Variants in NELL2 observed in about 807,000 individuals in gnomAD.
NELL2 encodes neural EGFL like 2, also known as protein kinase C-binding protein NELL2.
A neutral mutation model predicts 109.6 loss-of-function variants in NELL2; 41 were observed. The ratio of observed to expected loss-of-function variants is 0.37; its 90% CI spans 0.29 to 0.49. NELL2 has a LOEUF of 0.49. Among genes scored for constraint, NELL2 ranks in the 20% least tolerant of loss-of-function variants. The probability of loss-of-function intolerance (pLI) is 0.98; values close to 1 mark genes in which losing one functional copy is unlikely to be tolerated. For missense variants in NELL2, 900 were observed against 1,008.3 expected (o/e 0.89, Z 1.45); for synonymous variants, 355 against 344.7 (o/e 1.03, Z -0.33).
chr12:44,801,345 A>G (rs949882911), intron 3 of NELL2, among the ~76,000 whole-genome samples: 1 of 152,162 alleles, frequency 6.6e-6, no homozygotes, highest in South Asian at 2.1e-4. Flanking sequence ...TACTGTTAGT[A>G]TAAATAAAAA....
chr12:44,875,039 G>A (rs1945272481), intron 2 of NELL2, 186 bp downstream of exon 2: 1 of 691,592 alleles, frequency 1.4e-6, no homozygotes, highest in Non-Finnish European at 2.3e-6. Flanking sequence ...AAGGAGAAGG[G>A]TGAGGCAGGG....
intron 9 of NELL2, among the ~76,000 whole-genome samples, chr12:44,739,033 C>A (rs1939799334): frequency 6.6e-6 from 1 of 152,154 alleles, no homozygotes; most frequent in Non-Finnish European, 1.5e-5. Flanking sequence ...CCTCCACCAC[C>A]ATTCACACAC....
At chr12:44,904,268 T>C (rs1302152635) in intron 1 of NELL2, among the ~76,000 whole-genome samples, 1 of 152,122 alleles carries the variant, frequency 6.6e-6, no homozygotes, top group Non-Finnish European at 1.5e-5. Flanking sequence ...AGATCAGACA[T>C]TGTAATAGAT....
intron 13 of NELL2, among the ~76,000 whole-genome samples, chr12:44,622,621 T>C (rs1254528342): frequency 6.6e-6 from 1 of 152,164 alleles, no homozygotes; most frequent in African/African-American, 2.4e-5. Flanking sequence ...AACCATAGCA[T>C]TCCAACATAG....
intron 1 of NELL2, among the ~76,000 whole-genome samples, chr12:44,894,018 T>C (rs1291117777): frequency 3.3e-5 from 5 of 152,140 alleles, no homozygotes; most frequent in Non-Finnish European, 7.4e-5. Flanking sequence ...TTTCAACACA[T>C]CTACTTAGAA....
At chr12:44,764,778 T>C (rs1323977897) in intron 9 of NELL2, among the ~76,000 whole-genome samples, 1 of 152,132 alleles carries the variant, frequency 6.6e-6, no homozygotes, top group Non-Finnish European at 1.5e-5. Flanking sequence ...GAAAATACTT[T>C]TAAAATGTCA....
intron 9 of NELL2, among the ~76,000 whole-genome samples, chr12:44,733,689 G>A (rs1303534228): frequency 2.0e-5 from 3 of 151,580 alleles, no homozygotes; most frequent in Non-Finnish European, 4.4e-5. Context: ...ATATTAAGAG[G>A]GCAGATTTCA....
At chr12:44,655,566 G>A (rs576611621) in intron 13 of NELL2, among the ~76,000 whole-genome samples, 44 of 152,314 alleles carry the variant, frequency 2.9e-4, no homozygotes, top group African/African-American at 9.9e-4. Flanking sequence ...GGCCTCCTCA[G>A]TAACTGTGGA....
At chr12:44,647,972 G>A (rs1947155330) in intron 13 of NELL2, among the ~76,000 whole-genome samples, 1 of 152,188 alleles carries the variant, frequency 6.6e-6, no homozygotes, top group Non-Finnish European at 1.5e-5. Context: ...TGAGGGTCAA[G>A]GTGTCCTTGC....
At chr12:44,660,024 C>T (rs1297367053) in intron 13 of NELL2, among the ~76,000 whole-genome samples, 2 of 152,084 alleles carry the variant, frequency 1.3e-5, no homozygotes, top group Admixed American at 1.3e-4. Flanking sequence ...AATCATTCAC[C>T]TAGGTTAAGC....
intron 15 of NELL2, among the ~76,000 whole-genome samples, chr12:44,555,373 G>A (rs569995540): frequency 6.6e-6 from 1 of 152,260 alleles, no homozygotes; most frequent in South Asian, 2.1e-4. Flanking sequence ...CTCTCTTTTT[G>A]AGGTCATGCT....
At chr12:44,661,683 C>G (rs540831853) in intron 13 of NELL2, among the ~76,000 whole-genome samples, 15 of 152,136 alleles carry the variant, frequency 9.9e-5, no homozygotes, top group Non-Finnish European at 1.8e-4. Flanking sequence ...TTAATGCTTA[C>G]GTGAGTGAAC....
intron 1 of NELL2, among the ~76,000 whole-genome samples, chr12:44,899,983 T>G (rs1219300718): frequency 1.3e-5 from 2 of 152,078 alleles, no homozygotes; most frequent in East Asian, 3.9e-4. Context: ...TAAAACAGAC[T>G]TTAAACCAAC....
At chr12:44,657,223 A>G (rs754664762) in intron 13 of NELL2, among the ~76,000 whole-genome samples, 1 of 152,236 alleles carries the variant, frequency 6.6e-6, no homozygotes, top group Non-Finnish European at 1.5e-5. Flanking sequence ...CTTCATAATT[A>G]GCAAATTAAA....
intron 12 of NELL2, among the ~76,000 whole-genome samples, chr12:44,685,300 A>G (rs1019828771): frequency 2.6e-5 from 4 of 151,790 alleles, no homozygotes; most frequent in African/African-American, 9.7e-5. Context: ...TTTTGAGCCT[A>G]TGTGTGTCTC....
At chr12:44,892,015 T>C (rs889319620) in intron 1 of NELL2, among the ~76,000 whole-genome samples, 3 of 152,232 alleles carry the variant, frequency 2.0e-5, no homozygotes, top group Non-Finnish European at 4.4e-5. Context: ...AGTATATTCA[T>C]GGTGCTATGG....
intron 2 of NELL2, among the ~76,000 whole-genome samples, chr12:44,855,771 T>A (rs986264840): frequency 5.3e-5 from 8 of 152,158 alleles, no homozygotes; most frequent in African/African-American, 1.9e-4. Context: ...ATTCAGGATG[T>A]CCAGGTTCTT....
At chr12:44,545,851 C>G (rs1408677414) in intron 15 of NELL2, among the ~76,000 whole-genome samples, 1 of 152,104 alleles carries the variant, frequency 6.6e-6, no homozygotes, top group Non-Finnish European at 1.5e-5. Flanking sequence ...CCAGGAAAGT[C>G]TTACTTTCTA....
At chr12:44,565,417 T>G (rs1308226123) in intron 15 of NELL2, among the ~76,000 whole-genome samples, 1 of 152,198 alleles carries the variant, frequency 6.6e-6, no homozygotes, top group Non-Finnish European at 1.5e-5. Context: ...ACGTGCATCT[T>G]AGAATTGATG....
Sources: gnomAD v4.1 joint callset for allele counts (sites outside exome capture counted in the v4.1 genomes callset) on GRCh38, gnomAD v4.1.1 for gene constraint, MANE v1.5 for transcripts, NCBI Gene and HGNC (gene_info 2026-07-23, HGNC 2026-07-21) for gene names.